PSMD12: variants seen among roughly 807,000 people sequenced by gnomAD.
The protein encoded by PSMD12 is proteasome 26S subunit, non-ATPase 12.
In PSMD12, 8 loss-of-function variants were observed where a neutral mutation model predicts 62.9. That is an observed-to-expected ratio of 0.13 (90% CI 0.07 to 0.23). PSMD12 has a LOEUF of 0.23. Ranked by LOEUF, PSMD12 falls within the 10% of genes least tolerant of loss-of-function variation. PSMD12 has a pLI of 1.00. For synonymous variants in PSMD12, 173 were observed against 187.4 expected, an observed-to-expected ratio of 0.92 and a Z score of 0.63; for missense variants, 424 against 550.2, an observed-to-expected ratio of 0.77 and a Z score of 2.29.
rs1221303995 is a variant in PSMD12, at chr17:67,347,473, C to T, written c.523G>A (p.Gly175Arg). 4.3e-6 allele frequency: 7 copies of T among 1,612,954 alleles called. No individual in the cohort carries two copies. The highest frequency in any genetic ancestry group is 2.2e-5 in the East Asian group (1 of 44,858). Reference protein sequence around the residue: ...ILQELQVETYGSMEKKERVEF... With the variant: ...ILQELQVETYRSMEKKERVEF... ...ACTCGCTCTTTCTTTTCCATTGACC[C>T]GTAGGTTTCCACCTAGCACAGTAAT... Residue 175 changes from glycine to arginine, a missense_variant, in exon 6 of 11, where the codon GGG (glycine) becomes AGG (arginine). By Grantham distance (125) the Gly-to-Arg change is moderately radical. Transcript: ENST00000356126.
intron 3 of PSMD12, among the ~76,000 whole-genome samples, chr17:67,353,720 T>C (rs978738175): frequency 1.3e-5 from 2 of 152,230 alleles, no homozygotes; most frequent in Non-Finnish European, 2.9e-5. Context: ...GAGACATTTA[T>C]GTTTCCTAAG....
intron 1 of PSMD12, among the ~76,000 whole-genome samples, chr17:67,361,656 T>C (rs547404568): frequency 6.6e-6 from 1 of 152,162 alleles, no homozygotes; most frequent in South Asian, 2.1e-4. Flanking sequence ...ACTTTTAAAG[T>C]GACCTATTCC....
At chr17:67,357,170 T>C in intron 3 of PSMD12, 133 bp downstream of exon 3, 1 of 977,814 alleles carries the variant, frequency 1.0e-6, no homozygotes, top group Non-Finnish European at 1.4e-6. Flanking sequence ...GAATGTAGAC[T>C]GAATTTTAAA....
chr17:67,353,756 A>G (rs1447547753), intron 3 of PSMD12, among the ~76,000 whole-genome samples: 1 of 152,162 alleles, frequency 6.6e-6, no homozygotes, highest in Non-Finnish European at 1.5e-5. Context: ...TGAAGACATA[A>G]TATGTTACAG....
intron 1 of PSMD12, among the ~76,000 whole-genome samples, chr17:67,364,397 C>T (rs2042160891): frequency 6.6e-6 from 1 of 152,154 alleles, no homozygotes. Flanking sequence ...GGAATAAATG[C>T]TACATAAGAT....
chr17:67,355,083 T>G (rs1194968435), intron 3 of PSMD12, among the ~76,000 whole-genome samples: 2 of 149,004 alleles, frequency 1.3e-5, no homozygotes, highest in Admixed American at 1.4e-4. Context: ...GGCTTGCATA[T>G]TTTTGGTTTT....
chr17:67,342,348 T>A (rs2041923103), intron 9 of PSMD12, 85 bp from the exon 10 acceptor site: 1 of 894,916 alleles, frequency 1.1e-6, no homozygotes, highest in Non-Finnish European at 1.8e-6. Flanking sequence ...CCAAGTAAGT[T>A]TACTTAAAAT....
intron 1 of PSMD12, among the ~76,000 whole-genome samples, chr17:67,362,176 G>A (rs1044400378): frequency 1.3e-5 from 2 of 152,168 alleles, no homozygotes; most frequent in Non-Finnish European, 2.9e-5. Context: ...TAATCAAAAA[G>A]AGAGAATGAG....
At chr17:67,345,533 T>G (rs1435430440) in intron 8 of PSMD12, 1 of 472,904 alleles carries the variant, frequency 2.1e-6, no homozygotes, top group Non-Finnish European at 3.9e-6. Context: ...TCCCGGCTAC[T>G]CGGAAGGTTG....
chr17:67,340,141 AC>A lies in PSMD12; in HGVS notation c.*701del, dbSNP rs1177939673. On this transcript the variant is annotated 3_prime_UTR_variant, in exon 11 of 11. Coordinates refer to ENST00000356126, the MANE Select transcript of PSMD12 (RefSeq NM_002816.5). Reference sequence around the variant, plus strand: ...TCACTATCCCTATAGAGCGGACTTAACACCCAATAAACTGTGTCAATTATGT... The same window carrying A: ...TCACTATCCCTATAGAGCGGACTTAAACCCAATAAACTGTGTCAATTATGT... 6.6e-6 allele frequency: 1 copy of A among 151,178 alleles called. No homozygotes were observed. The highest frequency in any genetic ancestry group is 1.5e-5 in the Non-Finnish European group (1 of 67,824). 9.4% of individuals were successfully genotyped at this position (151,178 alleles called of 1,614,324 possible). A position where few individuals can be genotyped will look rare whatever the true frequency, so the allele number is the denominator to read the frequency against.
chr17:67,338,161 G>A lies in PSMD12; in HGVS notation c.*2682C>T, dbSNP rs2041876683. On this transcript the variant is annotated 3_prime_UTR_variant, in exon 11 of 11. Coordinates refer to ENST00000356126, the MANE Select transcript of PSMD12 (RefSeq NM_002816.5). ...AACTCTAAAATAAAAAAATTATATG[G>A]AAATAAAAGGTATTTCATTTGAAAA... The A allele has an allele frequency of 2.6e-5, 4 of 152,204 alleles. No individual in the cohort carries two copies. The South Asian group carries it at 8.3e-4, about 32-fold the overall frequency. The allele number at this position is 152,204 out of a possible 1,614,324, so 9.4% of individuals were successfully genotyped here. A position where few individuals can be genotyped will look rare whatever the true frequency, so the allele number is the denominator to read the frequency against.
At chr17:67,354,569 T>G (rs1201038521) in intron 3 of PSMD12, among the ~76,000 whole-genome samples, 2 of 152,202 alleles carry the variant, frequency 1.3e-5, no homozygotes, top group Non-Finnish European at 2.9e-5. Flanking sequence ...GCCCCAAGAC[T>G]TCTAATTAAG....
chr17:67,356,779 G>A lies in PSMD12; in HGVS notation c.297+524C>T, dbSNP rs148420004. Among the ~76,000 whole-genome samples, 453 of 152,084 alleles carry A rather than the reference G, an allele frequency of 3.0e-3. 5 individuals carry two copies. The highest frequency in any genetic ancestry group is 0.011 in the African/African-American group (438 of 41,498). ...TAATTCTAGCATTTTGAGAGGCCAA[G>A]GCAGAGGGATCACTTGAGCCCAGGA... On this transcript the variant is annotated intron_variant, in intron 3 of 10. Coordinates refer to ENST00000356126, the MANE Select transcript of PSMD12 (RefSeq NM_002816.5).
chr17:67,357,631 C>A (rs1598574272), intron 1 of PSMD12, 53 bp from the exon 2 acceptor site: 1 of 1,539,422 alleles, frequency 6.5e-7, no homozygotes, highest in East Asian at 2.3e-5. Flanking sequence ...ATGCAAATAA[C>A]TAGTCTAAAA....
rs2041973733 is a variant in PSMD12, at chr17:67,347,058, A to C, written c.795+58T>G. On this transcript the variant is annotated intron_variant, in intron 7 of 10. Coordinates refer to ENST00000356126, the MANE Select transcript of PSMD12 (RefSeq NM_002816.5). ...GCAGTTAAAAAGATTTGAAAATAAA[A>C]AAAGCAAATTACTCTTCTGAATAAG... is the stretch of plus-strand genomic sequence containing the variant. 2.0e-6 allele frequency: 3 copies of C among 1,521,954 alleles called. No individual in the cohort carries two copies. The Admixed American group carries it at 6.4e-5, about 32-fold the overall frequency. The allele number at this position is 1,521,954 out of a possible 1,614,324, so 94.3% of individuals were successfully genotyped here.
Position 67,339,273 on chromosome 17 carries a change from A to C in PSMD12, c.*1570T>G, listed in dbSNP as rs2041888057. ...CAGGCACACGCCACCACGCCCGGCAAATTTTTGTATTTTTTTTAGTAGAGA... is the reference window on the plus strand; with the variant it reads ...CAGGCACACGCCACCACGCCCGGCACATTTTTGTATTTTTTTTAGTAGAGA... On this transcript the variant is annotated 3_prime_UTR_variant, in exon 11 of 11. Coordinates refer to ENST00000356126, the MANE Select transcript of PSMD12 (RefSeq NM_002816.5). 1 of 138,498 alleles carries C rather than the reference A, an allele frequency of 7.2e-6. No individual in the cohort carries two copies. Among genetic ancestry groups the C allele is most frequent in the African/African-American group, 2.7e-5 (1 of 37,176 alleles). 8.6% of individuals were successfully genotyped at this position (138,498 alleles called of 1,614,324 possible). A position where few individuals can be genotyped will look rare whatever the true frequency, so the allele number is the denominator to read the frequency against.
Position 67,358,774 on chromosome 17 carries a change from C to T in PSMD12, c.109-1196G>A, listed in dbSNP as rs978823221. Among the ~76,000 whole-genome samples the T allele has an allele frequency of 3.3e-5, 5 of 151,956 alleles. No homozygotes were observed. In the East Asian group the frequency reaches 5.8e-4, roughly 18 times the overall value. ...AGAATAAATTAGTAATCATGCTTACCGGAAATGAAGGCATCTGAGAACACC... is the reference window on the plus strand; with the variant it reads ...AGAATAAATTAGTAATCATGCTTACTGGAAATGAAGGCATCTGAGAACACC... On this transcript the variant is annotated intron_variant, in intron 1 of 10. Coordinates refer to ENST00000356126, the MANE Select transcript of PSMD12 (RefSeq NM_002816.5).
At chr17:67,353,022 T>C (rs2042032517) in intron 3 of PSMD12, among the ~76,000 whole-genome samples, 2 of 152,226 alleles carry the variant, frequency 1.3e-5, no homozygotes, top group South Asian at 4.1e-4. Context: ...TATGGTTTTG[T>C]ACTATCTGTG....
rs968079139 is a variant in PSMD12 at position 67,340,749 on chromosome 17, G to C, written c.*94C>G. On this transcript the variant is annotated 3_prime_UTR_variant, in exon 11 of 11. Transcript: ENST00000356126. ...TCACTATTTTAAAATTTAAGACAAAGAAGCTTAGAAAAAAAACCCCAACAT... is the reference window on the plus strand; with the variant it reads ...TCACTATTTTAAAATTTAAGACAAACAAGCTTAGAAAAAAAACCCCAACAT... The C allele has an allele frequency of 1.0e-6, 1 of 959,548 alleles. No individual in the cohort carries two copies. Among genetic ancestry groups the C allele is most frequent in the Non-Finnish European group, 1.5e-6 (1 of 676,794 alleles). The allele number at this position is 959,548 out of a possible 1,614,324, so 59.4% of individuals were successfully genotyped here. A position where few individuals can be genotyped will look rare whatever the true frequency, so the allele number is the denominator to read the frequency against.
Sources: gnomAD v4.1 joint callset for allele counts (sites outside exome capture counted in the v4.1 genomes callset) on GRCh38, gnomAD v4.1.1 for gene constraint, MANE v1.5 for transcripts, NCBI Gene and HGNC (gene_info 2026-07-23, HGNC 2026-07-21) for gene names.